Variants in PTPRD observed in about 807,000 individuals in gnomAD.
The protein encoded by PTPRD is protein tyrosine phosphatase receptor type D.
PTPRD carries 34 observed loss-of-function variants against 214.5 expected under a neutral mutation model. The ratio of observed to expected loss-of-function variants is 0.16; its 90% CI spans 0.12 to 0.21. The LOEUF is 0.21. Ranked by LOEUF, PTPRD falls within the 10% of genes least tolerant of loss-of-function variation. PTPRD has a pLI of 1.00. For synonymous variants in PTPRD, 1,128 were observed against 845.7 expected (o/e 1.33, Z -5.79); for missense variants, 2,545 against 2,398.7 (o/e 1.06, Z -1.27).
chr9:10,036,886 T>TTATTTATG (rs1555501207), intron 3 of PTPRD, among the ~76,000 whole-genome samples: 2 of 143,102 alleles, frequency 1.4e-5, no homozygotes, highest in South Asian at 2.1e-4. Flanking sequence ...TATTATTTAT[T>TTATTTATG]TATTTATTTA....
At chr9:8,733,592 G>A (rs898822121) in intron 12 of PTPRD, among the ~76,000 whole-genome samples, 188 bp downstream of exon 12, 1 of 152,184 alleles carries the variant, frequency 6.6e-6, no homozygotes, top group Non-Finnish European at 1.5e-5. Flanking sequence ...TTAAAACGGA[G>A]AGGAAATGGT....
intron 3 of PTPRD, among the ~76,000 whole-genome samples, chr9:10,050,495 G>T (rs1400896144): frequency 7.1e-6 from 1 of 141,836 alleles, no homozygotes; most frequent in African/African-American, 2.6e-5. Flanking sequence ...AGGAGGTGGA[G>T]GTTGCAGTGA....
chr9:9,041,118 G>T (rs1425245434), intron 10 of PTPRD, among the ~76,000 whole-genome samples: 3 of 152,056 alleles, frequency 2.0e-5, no homozygotes, highest in Non-Finnish European at 4.4e-5. Context: ...GTATTATATT[G>T]TTATAAGATA....
At chr9:10,255,829 A>G (rs2093216634) in intron 3 of PTPRD, among the ~76,000 whole-genome samples, 1 of 152,144 alleles carries the variant, frequency 6.6e-6, no homozygotes, top group Non-Finnish European at 1.5e-5. Flanking sequence ...TTTACTTTTA[A>G]AACTGTTTTG....
Position 9,397,225 on chromosome 9 carries a change from C to G in PTPRD, c.-203+224G>C, listed in dbSNP as rs191529806. ...ATTGTTAAAGTTTGAGTAAGTGAAG[C>G]ATTTGTGAAAATAAACATCTCTGTT... is the stretch of plus-strand genomic sequence containing the variant. On this transcript the variant is annotated intron_variant, in intron 9 of 45. Coordinates refer to ENST00000381196, the MANE Select transcript of PTPRD (RefSeq NM_002839.4). 5.1e-4 allele frequency among the ~76,000 whole-genome samples: 77 copies of G among 151,990 alleles called. 1 individual carries two copies. Among genetic ancestry groups the G allele is most frequent in the South Asian group, 6.2e-4 (3 of 4,826 alleles).
chr9:9,802,348 T>C (rs1289595433), intron 5 of PTPRD, among the ~76,000 whole-genome samples: 1 of 151,940 alleles, frequency 6.6e-6, no homozygotes, highest in Non-Finnish European at 1.5e-5. Flanking sequence ...TAAGATGTCC[T>C]TAGGTCAAAA....
chr9:8,713,367 T>C (rs1415376838), intron 12 of PTPRD: 2 of 1,054,278 alleles, frequency 1.9e-6, no homozygotes, highest in African/African-American at 1.5e-5. Context: ...GCCTGCCCAC[T>C]CCCAAATGCC....
chr9:9,700,021 T>A (rs1371872646), intron 7 of PTPRD, among the ~76,000 whole-genome samples: 4 of 152,154 alleles, frequency 2.6e-5, no homozygotes, highest in Non-Finnish European at 4.4e-5. Context: ...ATGCTTGGAT[T>A]TGAATAAGAA....
intron 12 of PTPRD, among the ~76,000 whole-genome samples, chr9:8,663,267 G>C (rs1380891500): frequency 1.4e-5 from 2 of 147,212 alleles, no homozygotes; most frequent in Non-Finnish European, 1.5e-5. Context: ...AACGAAACTA[G>C]TATTGAGATA....
At chr9:10,589,759 A>G (rs1159294888) in intron 2 of PTPRD, among the ~76,000 whole-genome samples, 1 of 152,054 alleles carries the variant, frequency 6.6e-6, no homozygotes, top group East Asian at 1.9e-4. Context: ...GCTTAGAATC[A>G]GGATAAGAGG....
chr9:10,316,916 A>G (rs1366493419), intron 3 of PTPRD, among the ~76,000 whole-genome samples: 1 of 151,860 alleles, frequency 6.6e-6, no homozygotes, highest in East Asian at 1.9e-4. Context: ...TAGATTTTAA[A>G]CCTGATCCCA....
chr9:10,251,202 C>T (rs928795223), intron 3 of PTPRD, among the ~76,000 whole-genome samples: 3 of 152,012 alleles, frequency 2.0e-5, no homozygotes, highest in Non-Finnish European at 4.4e-5. Context: ...TTGGACAACC[C>T]TTATGTGACC....
At chr9:9,880,902 A>G (rs1225470995) in intron 5 of PTPRD, among the ~76,000 whole-genome samples, 1 of 152,134 alleles carries the variant, frequency 6.6e-6, no homozygotes, top group Non-Finnish European at 1.5e-5. Context: ...ATTTTGGAAA[A>G]TAATTACATA....
intron 5 of PTPRD, among the ~76,000 whole-genome samples, chr9:9,771,735 A>G (rs1190884429): frequency 6.6e-6 from 1 of 152,194 alleles, no homozygotes; most frequent in Non-Finnish European, 1.5e-5. Flanking sequence ...CTGTATTCCA[A>G]AGAAAGATGC....
intron 9 of PTPRD, among the ~76,000 whole-genome samples, chr9:9,192,304 T>G (rs1012786705): frequency 4.6e-4 from 70 of 152,068 alleles, no homozygotes; most frequent in African/African-American, 1.6e-3. Context: ...AAAATAAACT[T>G]GAGAGCTGAA....
At chr9:9,404,237 G>C (rs1369046155) in intron 8 of PTPRD, among the ~76,000 whole-genome samples, 3 of 152,048 alleles carry the variant, frequency 2.0e-5, no homozygotes, top group Admixed American at 2.0e-4. Flanking sequence ...GTGACATTAT[G>C]GTTTTGTCTT....
At chr9:8,355,886 A>G (rs918100794) in intron 39 of PTPRD, among the ~76,000 whole-genome samples, 15 of 152,288 alleles carry the variant, frequency 9.8e-5, no homozygotes, top group Non-Finnish European at 1.9e-4. Context: ...TTGGGTAATG[A>G]GGATACAGGC....
intron 11 of PTPRD, among the ~76,000 whole-genome samples, chr9:8,779,435 A>G (rs1018629900): frequency 6.6e-6 from 1 of 152,118 alleles, no homozygotes; most frequent in African/African-American, 2.4e-5. Context: ...CGGGGCTTCA[A>G]TAAAACCTAA....
At chr9:10,132,171 G>A (rs1478024145) in intron 3 of PTPRD, among the ~76,000 whole-genome samples, 1 of 151,914 alleles carries the variant, frequency 6.6e-6, no homozygotes, top group African/African-American at 2.4e-5. Flanking sequence ...TCTTTTTGTA[G>A]ATTATGAAGT....
Sources: allele counts gnomAD v4.1 joint callset (sites outside exome capture counted in the v4.1 genomes callset), GRCh38; gene constraint gnomAD v4.1.1; transcripts MANE v1.5; gene names NCBI Gene and HGNC (gene_info 2026-07-23, HGNC 2026-07-21).